OCA2: variants seen among roughly 807,000 people sequenced by gnomAD.
The protein encoded by OCA2 is P protein.
OCA2 carries 77 observed loss-of-function variants against 100.2 expected under a neutral mutation model. That is an observed-to-expected ratio of 0.77 (90% CI 0.64 to 0.93). OCA2 has a LOEUF of 0.93. OCA2 is among the 40% of genes least tolerant of loss of function. The probability of loss-of-function intolerance (pLI) is 0.00; values close to 1 mark genes in which losing one functional copy is unlikely to be tolerated. For synonymous variants in OCA2, 432 were observed against 439.2 expected, an observed-to-expected ratio of 0.98 and a Z score of 0.21; for missense variants, 1,062 against 1,089.1, an observed-to-expected ratio of 0.98 and a Z score of 0.35.
the OCA2 span, among the ~76,000 whole-genome samples, chr15:27,743,946 C>T: frequency 6.6e-6 from 1 of 152,184 alleles, no homozygotes; most frequent in Admixed American, 6.5e-5. Flanking sequence ...CCAGCTGCTC[C>T]CTGGCCACAA....
At chr15:27,911,776 G>C (rs147887835) in intron 19 of OCA2, among the ~76,000 whole-genome samples, 6 of 152,274 alleles carry the variant, frequency 3.9e-5, no homozygotes, top group Non-Finnish European at 7.4e-5. Context: ...TTCAACATGA[G>C]ATTTGGAGGG....
chr15:27,829,615 T>G (rs140655676), intron 23 of OCA2, among the ~76,000 whole-genome samples: 1 of 152,002 alleles, frequency 6.6e-6, no homozygotes, highest in African/African-American at 2.4e-5. Context: ...GGATGGGAGG[T>G]GTGAGCTGTG....
chr15:27,770,840 C>G (rs1355485036), intron 23 of OCA2, among the ~76,000 whole-genome samples: 3 of 126,790 alleles, frequency 2.4e-5, no homozygotes, highest in African/African-American at 1.1e-4. Flanking sequence ...CTTCCTCCCT[C>G]TTTTCCTTCC....
intron 18 of OCA2, among the ~76,000 whole-genome samples, chr15:27,934,440 T>C (rs974702329): frequency 6.6e-6 from 1 of 152,232 alleles, no homozygotes; most frequent in Non-Finnish European, 1.5e-5. Context: ...CATCTGATGG[T>C]GATTCCTTCA....
At chr15:27,801,445 G>C (rs1331278491) in intron 23 of OCA2, among the ~76,000 whole-genome samples, 1 of 150,934 alleles carries the variant, frequency 6.6e-6, no homozygotes, top group African/African-American at 2.4e-5. Flanking sequence ...CCAGCTACTT[G>C]GGAGGCTGAG....
At chr15:27,758,241 A>G (rs1227181978) in intron 23 of OCA2, among the ~76,000 whole-genome samples, 1 of 152,184 alleles carries the variant, frequency 6.6e-6, no homozygotes, top group Non-Finnish European at 1.5e-5. Flanking sequence ...AGAAAACAAA[A>G]AGCCCCAAGA....
intron 14 of OCA2, among the ~76,000 whole-genome samples, chr15:27,978,055 C>T (rs948996265): frequency 6.6e-6 from 1 of 152,196 alleles, no homozygotes; most frequent in Non-Finnish European, 1.5e-5. Context: ...TCTTCTTTGA[C>T]CCTTGGATTA....
chr15:27,886,046 G>T (rs1047243723), intron 19 of OCA2, among the ~76,000 whole-genome samples: 5 of 152,290 alleles, frequency 3.3e-5, no homozygotes, highest in African/African-American at 9.6e-5. Flanking sequence ...TATTTGAGGA[G>T]ACTCTAGAGA....
intron 18 of OCA2, among the ~76,000 whole-genome samples, chr15:27,951,106 G>A (rs1032617581): frequency 3.3e-5 from 5 of 152,176 alleles, no homozygotes; most frequent in Non-Finnish European, 7.3e-5. Flanking sequence ...GGAGAGTGGA[G>A]AACGTTTATG....
chr15:27,925,223 CT>C, intron 19 of OCA2, among the ~76,000 whole-genome samples: 1 of 152,278 alleles, frequency 6.6e-6, no homozygotes, highest in South Asian at 2.1e-4. Flanking sequence ...ACAAACAGAA[CT>C]GTTAACAAGC....
In OCA2 at chr15:27,882,347, C is replaced by G. The variant is rs1291921138; in HGVS notation, c.2080-10425G>C. 4.6e-5 allele frequency among the ~76,000 whole-genome samples: 7 copies of G among 152,216 alleles called. No individual in the cohort carries two copies. In the East Asian group the frequency reaches 1.3e-3, roughly 29 times the overall value. On this transcript the variant is annotated intron_variant, in intron 19 of 23. Coordinates refer to ENST00000354638, the MANE Select transcript of OCA2 (RefSeq NM_000275.3). ...ATAGTCACTCCACTACTGAACCCAT[C>G]AAGCAACTCTTTTTTATTTAAGGTG...
At chr15:27,894,008 C>T (rs888424306) in intron 19 of OCA2, among the ~76,000 whole-genome samples, 1 of 152,106 alleles carries the variant, frequency 6.6e-6, no homozygotes, top group East Asian at 1.9e-4. Flanking sequence ...CCTTTTGAAA[C>T]CCTTAATAAA....
intron 9 of OCA2, among the ~76,000 whole-genome samples, chr15:28,010,412 A>G (rs2042208856): frequency 6.6e-6 from 1 of 152,248 alleles, no homozygotes; most frequent in African/African-American, 2.4e-5. Flanking sequence ...AAAAGAAGAA[A>G]TAAAACTGTC....
rs764344743 is a variant in OCA2, at chr15:27,926,274, CAT to C, written c.1952-22_1952-21del. On this transcript the variant is annotated intron_variant, in intron 18 of 23. Transcript: ENST00000354638. ...TCCATCCTGAAAATAAGTAAATAGA[CAT>C]AGAGATATAGTTCCACTGTTAACAC... 6.2e-7 allele frequency: 1 copy of C among 1,613,762 alleles called. No homozygotes were observed. The highest frequency in any genetic ancestry group is 8.5e-7 in the Non-Finnish European group (1 of 1,179,690).
rs1433349632 is a variant in OCA2 at position 28,018,406 on chromosome 15, C to T, written c.798G>A (p.Arg266=). The T allele has an allele frequency of 4.3e-6, 7 of 1,613,972 alleles. No individual in the cohort carries two copies. The highest frequency in any genetic ancestry group is 1.7e-5 in the Admixed American group (1 of 60,034). The change falls in exon 7 of 24, where the codon CGG becomes CGA. Residue 266 remains arginine (R), a synonymous_variant. Coordinates refer to ENST00000354638, the MANE Select transcript of OCA2 (RefSeq NM_000275.3). Reference sequence around the variant, plus strand: ...AAATTATCAGCATAACCTGCTGTGGCCGCCGCCACCTGGAGCCCAAAGCGT... The same window carrying T: ...AAATTATCAGCATAACCTGCTGTGGTCGCCGCCACCTGGAGCCCAAAGCGT... The part of the protein sequence containing the change: ...QADALGSRWR[R]PQQVTHNWTV...
At chr15:27,731,551 T>C in the OCA2 span, among the ~76,000 whole-genome samples, 1 of 152,234 alleles carries the variant, frequency 6.6e-6, no homozygotes, top group African/African-American at 2.4e-5. Context: ...AATGTTAAGC[T>C]ATTTGTAGAT....
chr15:27,836,922 CAAAAG>C, intron 23 of OCA2, among the ~76,000 whole-genome samples: 1 of 151,972 alleles, frequency 6.6e-6, no homozygotes, highest in African/African-American at 2.4e-5. Context: ...TAAGAAACCA[CAAAAG>C]AAAACAAAAT....
intron 6 of OCA2, among the ~76,000 whole-genome samples, chr15:28,021,240 A>G (rs2042585001): frequency 6.6e-6 from 1 of 152,200 alleles, no homozygotes; most frequent in Non-Finnish European, 1.5e-5. Flanking sequence ...AGGGGCCTTC[A>G]TGCACAGACA....
chr15:27,983,557 T>C (rs1763994279), intron 13 of OCA2, 74 bp from the exon 14 acceptor site: 1 of 1,546,434 alleles, frequency 6.5e-7, no homozygotes, highest in South Asian at 1.1e-5. Flanking sequence ...ACCCAGAGAT[T>C]TTTAAGGCGC....
Sources: gnomAD v4.1 joint callset for allele counts (sites outside exome capture counted in the v4.1 genomes callset) on GRCh38, gnomAD v4.1.1 for gene constraint, MANE v1.5 for transcripts, NCBI Gene and HGNC (gene_info 2026-07-23, HGNC 2026-07-21) for gene names.